Variants in MAP4K3 observed in about 807,000 individuals in gnomAD.
MAP4K3 encodes mitogen-activated protein kinase kinase kinase kinase 3.
Under a neutral mutation model 143.5 loss-of-function variants are expected in MAP4K3, and 94 were observed. That is an observed-to-expected ratio of 0.65 (90% confidence interval 0.55 to 0.78). The LOEUF (loss-of-function observed/expected upper bound fraction) is 0.78, where lower values mean the gene tolerates loss of function less well. Among genes scored for constraint, MAP4K3 ranks in the 30% least tolerant of loss-of-function variants. The pLI is 0.00. For missense variants in MAP4K3, 1,077 were observed against 1,068.1 expected (o/e 1.01, Z -0.12); for synonymous variants, 416 against 347.2 (o/e 1.20, Z -2.20).
chr2:39,384,207 C>T (rs966837228), intron 1 of MAP4K3, among the ~76,000 whole-genome samples: 8 of 152,012 alleles, frequency 5.3e-5, no homozygotes, highest in African/African-American at 9.7e-5. Context: ...GACCCTTTAT[C>T]GACAACTTGC....
Position 39,290,289 on chromosome 2 carries a change from T to C in MAP4K3, c.1314+3A>G. The C allele has an allele frequency of 6.2e-7, 1 of 1,603,118 alleles. No homozygotes were observed. The highest frequency in any genetic ancestry group is 1.1e-5 in the South Asian group (1 of 88,460). ...TATCAAATTGAAAAATAAATCTGTC[T>C]ACCTTTGGTGGCAAAGGAGGTGGAA... On this transcript the variant is annotated splice_donor_region_variant and intron_variant, in intron 19 of 33. Coordinates refer to ENST00000263881, the MANE Select transcript of MAP4K3 (RefSeq NM_003618.4).
rs538911120 is a variant in MAP4K3 at position 39,270,306 on chromosome 2, A to G, written c.1973+1977T>C. Among the ~76,000 whole-genome samples the G allele has an allele frequency of 1.9e-4, 29 of 152,360 alleles. No homozygotes were observed. The South Asian group carries it at 4.8e-3, about 25-fold the overall frequency. On this transcript the variant is annotated intron_variant, in intron 26 of 33. Coordinates refer to ENST00000263881, the MANE Select transcript of MAP4K3 (RefSeq NM_003618.4). Reference sequence around the variant, plus strand: ...TTTAGTTAATGTTCTATAGTGATCTATAGACTTGCCTTAATTTTAGTCATG... The same window carrying G: ...TTTAGTTAATGTTCTATAGTGATCTGTAGACTTGCCTTAATTTTAGTCATG...
chr2:39,351,327 T>C (rs1444374688), intron 3 of MAP4K3, among the ~76,000 whole-genome samples: 2 of 152,238 alleles, frequency 1.3e-5, no homozygotes, highest in Admixed American at 6.5e-5. Context: ...ACCCAATATT[T>C]GGGAATTACA....
chr2:39,320,823 AT>A (rs1477114619), intron 12 of MAP4K3, among the ~76,000 whole-genome samples: 1 of 152,150 alleles, frequency 6.6e-6, no homozygotes, highest in African/African-American at 2.4e-5. Context: ...CTTTGAAGCT[AT>A]TGTATTACCT....
In MAP4K3 at chr2:39,388,377, C is replaced by T. The variant is rs115226049; in HGVS notation, c.97-10254G>A. Among the ~76,000 whole-genome samples, 914 of 152,288 alleles carry T rather than the reference C, an allele frequency of 6.0e-3. 10 individuals carry two copies. Among genetic ancestry groups the T allele is most frequent in the African/African-American group, 0.021 (877 of 41,546 alleles). ...AACACTCTTTTACGTGCACTGAACT[C>T]ACAAGCAAATAAATTCACAGGTGGC... On this transcript the variant is annotated intron_variant, in intron 1 of 33. Coordinates refer to ENST00000263881, the MANE Select transcript of MAP4K3 (RefSeq NM_003618.4).
chr2:39,250,825 G>T, intron 33 of MAP4K3, 120 bp from the exon 34 acceptor site: 1 of 746,832 alleles, frequency 1.3e-6, no homozygotes, highest in Non-Finnish European at 2.2e-6. Flanking sequence ...TTTGATCGTG[G>T]GCAGAAATCA....
chr2:39,278,210 T>C (rs1038055583), intron 24 of MAP4K3, among the ~76,000 whole-genome samples, 197 bp downstream of exon 24: 1 of 150,316 alleles, frequency 6.7e-6, no homozygotes, highest in African/African-American at 2.5e-5. Flanking sequence ...TGAAACTGGT[T>C]GCAGTGAGCC....
chr2:39,288,005 T>C, intron 20 of MAP4K3, 116 bp downstream of exon 20: 2 of 1,283,950 alleles, frequency 1.6e-6, no homozygotes, highest in Non-Finnish European at 2.2e-6. Flanking sequence ...CCATAGCCAC[T>C]GCTTTCCTTC....
At chr2:39,431,008 T>C (rs1329080555) in intron 1 of MAP4K3, among the ~76,000 whole-genome samples, 1 of 152,212 alleles carries the variant, frequency 6.6e-6, no homozygotes, top group Non-Finnish European at 1.5e-5. Context: ...GAACCTAATA[T>C]GGGTCAGCTA....
chr2:39,381,789 A>G (rs1666361536), intron 1 of MAP4K3, among the ~76,000 whole-genome samples: 1 of 152,164 alleles, frequency 6.6e-6, no homozygotes, highest in African/African-American at 2.4e-5. Flanking sequence ...GCCAAACTAA[A>G]CAACCTGCTA....
chr2:39,333,444 G>T, intron 7 of MAP4K3, 88 bp downstream of exon 7: 2 of 998,460 alleles, frequency 2.0e-6, no homozygotes, highest in South Asian at 1.4e-5. Context: ...TCTTAGGAGA[G>T]GGAAAACCTG....
At chr2:39,380,877 T>C (rs990426992) in intron 1 of MAP4K3, among the ~76,000 whole-genome samples, 1 of 152,180 alleles carries the variant, frequency 6.6e-6, no homozygotes, top group Admixed American at 6.5e-5. Flanking sequence ...TTCAGTTGTG[T>C]TTAGTATATT....
At chr2:39,431,250 T>C (rs1320881931) in intron 1 of MAP4K3, among the ~76,000 whole-genome samples, 1 of 152,116 alleles carries the variant, frequency 6.6e-6, no homozygotes, top group Non-Finnish European at 1.5e-5. Flanking sequence ...TGCTGGGACA[T>C]GTAGAGTATT....
At chr2:39,353,648 C>T (rs945471490) in intron 3 of MAP4K3, among the ~76,000 whole-genome samples, 9 of 152,082 alleles carry the variant, frequency 5.9e-5, no homozygotes, top group Admixed American at 3.3e-4. Flanking sequence ...ATAATTTCTA[C>T]CACAGCTATA....
Position 39,267,076 on chromosome 2 carries a change from C to T in MAP4K3, c.2032+113G>A. 5 of 997,348 alleles carry T rather than the reference C, an allele frequency of 5.0e-6. No individual in the cohort carries two copies. In the South Asian group the frequency reaches 6.7e-5, roughly 13 times the overall value. 61.8% of individuals were successfully genotyped at this position (997,348 alleles called of 1,614,324 possible). ...TGAAACAGCCAAGAAATTTGTTCTA[C>T]TTAAGCAGGAAAAATAAAGTATTGC... is the stretch of plus-strand genomic sequence containing the variant. On this transcript the variant is annotated intron_variant, in intron 27 of 33. Coordinates refer to ENST00000263881, the MANE Select transcript of MAP4K3 (RefSeq NM_003618.4).
chr2:39,333,645 A>G, intron 6 of MAP4K3, 71 bp from the exon 7 acceptor site: 1 of 778,750 alleles, frequency 1.3e-6, no homozygotes, highest in South Asian at 2.0e-5. Context: ...TATAATAAAT[A>G]TACATATTTA....
intron 15 of MAP4K3, among the ~76,000 whole-genome samples, chr2:39,306,366 A>T (rs1308586230): frequency 1.3e-5 from 2 of 152,208 alleles, no homozygotes; most frequent in African/African-American, 4.8e-5. Flanking sequence ...CTATGGGTTA[A>T]TTCCCAATCC....
chr2:39,273,081 T>A (rs1188246487), intron 24 of MAP4K3, among the ~76,000 whole-genome samples: 2 of 151,980 alleles, frequency 1.3e-5, no homozygotes, highest in Non-Finnish European at 2.9e-5. Flanking sequence ...TATATGAAAT[T>A]TATTACTAAA....
At position 39,346,332 on chromosome 2, in the gene MAP4K3, C is replaced by G. The variant is rs546019145; in HGVS notation, c.246-2880G>C. On this transcript the variant is annotated intron_variant, in intron 3 of 33. Transcript: ENST00000263881. ...CTCTGGATCTTTATAAAACAAAAGGCAGACCAGTTCTCTCTCCAGCTTCAT... is the reference window on the plus strand; with the variant it reads ...CTCTGGATCTTTATAAAACAAAAGGGAGACCAGTTCTCTCTCCAGCTTCAT... Among the ~76,000 whole-genome samples the G allele has an allele frequency of 2.5e-3, 378 of 152,312 alleles. 1 individual carries two copies. Among genetic ancestry groups the G allele is most frequent in the African/African-American group, 8.4e-3 (351 of 41,576 alleles).
Sources: gnomAD v4.1 joint callset for allele counts (sites outside exome capture counted in the v4.1 genomes callset) on GRCh38, gnomAD v4.1.1 for gene constraint, MANE v1.5 for transcripts, NCBI Gene and HGNC (gene_info 2026-07-23, HGNC 2026-07-21) for gene names.